Variants in AGBL3 observed in about 807,000 individuals in gnomAD.
The protein encoded by AGBL3 is cytosolic carboxypeptidase 3.
AGBL3 carries 68 observed loss-of-function variants against 94.5 expected under a neutral mutation model. The observed-to-expected ratio is 0.72, with a 90% CI of 0.59 to 0.88. AGBL3 has a LOEUF of 0.88. Among genes scored for constraint, AGBL3 ranks in the 40% least tolerant of loss-of-function variants. The pLI is 0.00. For synonymous variants in AGBL3, 354 were observed against 370.7 expected, an observed-to-expected ratio of 0.95 and a Z score of 0.52; for missense variants, 934 against 1,103.8, an observed-to-expected ratio of 0.85 and a Z score of 2.18.
chr7:135,006,615 G>C (rs1812420771), intron 4 of AGBL3, among the ~76,000 whole-genome samples: 1 of 151,886 alleles, frequency 6.6e-6, no homozygotes, highest in African/African-American at 2.4e-5. Context: ...ATGGAAAATA[G>C]TCATCTTTTA....
At chr7:135,043,303 G>C (rs192271409) in intron 8 of AGBL3, among the ~76,000 whole-genome samples, 21 of 152,296 alleles carry the variant, frequency 1.4e-4, no homozygotes, top group African/African-American at 4.8e-4. Flanking sequence ...GCAACAACAT[G>C]GATGGAACTG....
chr7:134,996,944 T>C (rs1563166179), intron 4 of AGBL3, among the ~76,000 whole-genome samples: 1 of 152,238 alleles, frequency 6.6e-6, no homozygotes, highest in Non-Finnish European at 1.5e-5. Context: ...GAAGCCATTA[T>C]ACTCATGGTT....
intron 7 of AGBL3, among the ~76,000 whole-genome samples, chr7:135,035,947 AATTT>A (rs1190376935): frequency 6.6e-6 from 1 of 152,098 alleles, no homozygotes; most frequent in Non-Finnish European, 1.5e-5. Context: ...TATCAATGAG[AATTT>A]ATTAGGCAGC....
At chr7:135,021,436 C>T (rs933464428) in intron 5 of AGBL3, among the ~76,000 whole-genome samples, 24 of 151,742 alleles carry the variant, frequency 1.6e-4, no homozygotes, top group African/African-American at 2.2e-4. Flanking sequence ...GGACTACAGG[C>T]GCCCACCACC....
chr7:135,059,064 A>G, intron 11 of AGBL3, 105 bp from the exon 12 acceptor site: 1 of 926,914 alleles, frequency 1.1e-6, no homozygotes, highest in Non-Finnish European at 1.6e-6. Context: ...GCCACTTCTT[A>G]TAATTAGAAC....
chr7:135,051,016 C>A, intron 11 of AGBL3: 1 of 436,974 alleles, frequency 2.3e-6, no homozygotes, highest in Non-Finnish European at 4.6e-6. Context: ...CTGTCACTAC[C>A]CACAGAGAAC....
At chr7:135,082,402 C>T (rs1270574986) in intron 15 of AGBL3, among the ~76,000 whole-genome samples, 2 of 152,026 alleles carry the variant, frequency 1.3e-5, no homozygotes, top group East Asian at 1.9e-4. Flanking sequence ...CATAAAACAC[C>T]GTGATTCAAG....
intron 5 of AGBL3, among the ~76,000 whole-genome samples, chr7:135,021,449 G>A (rs1206458986): frequency 2.6e-5 from 4 of 151,540 alleles, no homozygotes; most frequent in South Asian, 2.1e-4. Context: ...CCACCACCAC[G>A]CCTGGCTAAT....
At chr7:134,991,470 T>G (rs1481135445) in intron 3 of AGBL3, among the ~76,000 whole-genome samples, 2 of 152,200 alleles carry the variant, frequency 1.3e-5, no homozygotes, top group Admixed American at 6.5e-5. Context: ...TTGTCATTTC[T>G]TAGTCTAGGC....
At chr7:134,994,088 T>A (rs766811094) in intron 4 of AGBL3, among the ~76,000 whole-genome samples, 2 of 152,194 alleles carry the variant, frequency 1.3e-5, no homozygotes, top group Non-Finnish European at 2.9e-5. Flanking sequence ...CCAAAGGGCA[T>A]GACGGTGTCC....
At chr7:135,101,341 CATT>C (rs998213771) in intron 15 of AGBL3, 8 of 437,178 alleles carry the variant, frequency 1.8e-5, no homozygotes, top group South Asian at 9.8e-5. Context: ...ACTATATCAT[CATT>C]AACATATCCT....
chr7:135,045,690 A>G (rs2348055), intron 10 of AGBL3, 109 bp from the exon 11 acceptor site: 1,295,313 of 1,316,596 alleles, frequency 0.98, 639,036 homozygotes, highest in Non-Finnish European at 1. Context: ...TTGGGGTTTT[A>G]GCACTTAATT....
At chr7:135,023,104 A>C (rs940604167) in intron 5 of AGBL3, among the ~76,000 whole-genome samples, 3 of 152,216 alleles carry the variant, frequency 2.0e-5, no homozygotes, top group Non-Finnish European at 4.4e-5. Context: ...AGCACCTTAC[A>C]AAAGTATATT....
At chr7:135,093,036 T>TAAAAA in intron 15 of AGBL3, 1 of 146,374 alleles carries the variant, frequency 6.8e-6, no homozygotes, top group Non-Finnish European at 1.5e-5. Context: ...CTTCCTCTAC[T>TAAAAA]AAAAAAAAAA....
chr7:135,017,339 G>A (rs1015889680), intron 5 of AGBL3, 180 bp downstream of exon 5: 2 of 563,952 alleles, frequency 3.5e-6, no homozygotes, highest in East Asian at 3.0e-5. Flanking sequence ...TTTTGAAGGT[G>A]TATTGCAGTT....
chr7:134,992,274 C>T (rs1244441400), intron 3 of AGBL3, among the ~76,000 whole-genome samples: 1 of 152,174 alleles, frequency 6.6e-6, no homozygotes, highest in Non-Finnish European at 1.5e-5. Context: ...GTGTGTCCAG[C>T]CACAACAGTC....
At chr7:135,111,058 A>G (rs1035626695) in intron 15 of AGBL3, among the ~76,000 whole-genome samples, 1 of 152,114 alleles carries the variant, frequency 6.6e-6, no homozygotes, top group Non-Finnish European at 1.5e-5. Flanking sequence ...CCTACCTAAC[A>G]TCTCCCCTTT....
chr7:135,036,973 G>A (rs962503041), intron 7 of AGBL3, among the ~76,000 whole-genome samples: 3 of 152,036 alleles, frequency 2.0e-5, no homozygotes, highest in African/African-American at 7.2e-5. Flanking sequence ...CTGGAGTGCA[G>A]TAGTAATGCT....
At chr7:135,012,799 C>A (rs1313091390) in intron 4 of AGBL3, among the ~76,000 whole-genome samples, 1 of 152,068 alleles carries the variant, frequency 6.6e-6, no homozygotes, top group African/African-American at 2.4e-5. Flanking sequence ...CAAGACAGAT[C>A]ATAGACCTAA....
Sources: allele counts gnomAD v4.1 joint callset (sites outside exome capture counted in the v4.1 genomes callset), GRCh38; gene constraint gnomAD v4.1.1; transcripts MANE v1.5; gene names NCBI Gene and HGNC (gene_info 2026-07-23, HGNC 2026-07-21).